FOCAD: variants seen among roughly 807,000 people sequenced by gnomAD.
FOCAD encodes KIAA1797.
In FOCAD, 198 loss-of-function variants were observed where a neutral mutation model predicts 225.6. The observed-to-expected ratio is 0.88, with a 90% confidence interval of 0.78 to 0.99. The LOEUF (loss-of-function observed/expected upper bound fraction) is 0.99. FOCAD is among the 50% of genes least tolerant of loss of function. The pLI, the probability that FOCAD is intolerant of heterozygous loss-of-function variation, is 0.00. For synonymous variants in FOCAD, 897 were observed against 755.0 expected (o/e 1.19, Z -3.08); for missense variants, 2,713 against 2,123.6 (o/e 1.28, Z -5.46).
intron 21 of FOCAD, among the ~76,000 whole-genome samples, chr9:20,889,634 G>C (rs1831440770): frequency 6.6e-6 from 1 of 152,106 alleles, no homozygotes; most frequent in Non-Finnish European, 1.5e-5. Context: ...ATACATAGCT[G>C]AATAACTTTC....
intron 5 of FOCAD, among the ~76,000 whole-genome samples, chr9:20,747,157 C>G (rs1340489566): frequency 6.6e-6 from 1 of 152,120 alleles, no homozygotes; most frequent in Non-Finnish European, 1.5e-5. Flanking sequence ...ACTGTGATGA[C>G]TACAAAATGG....
At chr9:20,844,905 C>T (rs575566900) in intron 15 of FOCAD, among the ~76,000 whole-genome samples, 1 of 152,158 alleles carries the variant, frequency 6.6e-6, no homozygotes, top group Admixed American at 6.5e-5. Flanking sequence ...GTGTCCTTCT[C>T]TTTTTATTTC....
intron 21 of FOCAD, among the ~76,000 whole-genome samples, chr9:20,905,485 A>G (rs1473755653): frequency 1.3e-5 from 2 of 151,990 alleles, no homozygotes; most frequent in Non-Finnish European, 2.9e-5. Context: ...GTACAATGAT[A>G]TCTATGGATT....
Position 20,948,858 on chromosome 9 carries a change from C to T in FOCAD, c.3806C>T (p.Pro1269Leu). Residue 1269 changes from proline (P) to leucine (L), a missense_variant, in exon 32 of 44, where the codon CCC (proline) becomes CTC (leucine). By Grantham distance (98) the Pro-to-Leu change is moderately conservative. Transcript: ENST00000338382. ...CTGATGCTTTGTTTTCAGGGCACTC[C>T]CACAATGCTTTGTCTGGCAGCTCTT... ...WIRIVLTEGT[P>L]TMLCLAALHG... 4 of 1,613,398 alleles carry T rather than the reference C, an allele frequency of 2.5e-6. No homozygotes were observed. Among genetic ancestry groups the T allele is most frequent in the Non-Finnish European group, 3.4e-6 (4 of 1,179,496 alleles).
At chr9:20,738,936 T>G (rs1233763338) in intron 4 of FOCAD, among the ~76,000 whole-genome samples, 1 of 152,212 alleles carries the variant, frequency 6.6e-6, no homozygotes, top group Non-Finnish European at 1.5e-5. Context: ...ATTCTTTTTT[T>G]TGTGTCCCAA....
chr9:20,681,038 A>G (rs1319872259), upstream of FOCAD, among the ~76,000 whole-genome samples: 1 of 152,156 alleles, frequency 6.6e-6, no homozygotes. Context: ...GCCCTGCCCA[A>G]CCACAGCCCC....
intron 8 of FOCAD, among the ~76,000 whole-genome samples, chr9:20,772,093 A>T (rs1198951579): frequency 2.0e-5 from 3 of 152,230 alleles, no homozygotes; most frequent in Non-Finnish European, 4.4e-5. Flanking sequence ...GGGAAAAGGG[A>T]GACATAGAAG....
intron 2 of FOCAD, among the ~76,000 whole-genome samples, chr9:20,675,345 A>G (rs1822201969): frequency 6.6e-6 from 1 of 152,214 alleles, no homozygotes; most frequent in African/African-American, 2.4e-5. Context: ...TCAAAACAAG[A>G]AAAGAAGAGA....
chr9:20,904,652 C>T (rs991077672), intron 21 of FOCAD, among the ~76,000 whole-genome samples: 1 of 151,978 alleles, frequency 6.6e-6, no homozygotes, highest in African/African-American at 2.4e-5. Flanking sequence ...TCTCAATGCT[C>T]CATCAGATAG....
intron 11 of FOCAD, among the ~76,000 whole-genome samples, chr9:20,799,585 C>A (rs1397324561): frequency 1.3e-5 from 2 of 152,076 alleles, no homozygotes; most frequent in African/African-American, 2.4e-5. Context: ...TGAATTGATC[C>A]CTTTACCATT....
At chr9:20,967,155 C>T (rs1839336152) in intron 35 of FOCAD, among the ~76,000 whole-genome samples, 1 of 152,014 alleles carries the variant, frequency 6.6e-6, no homozygotes, top group Admixed American at 6.6e-5. Context: ...AATCTGTGAA[C>T]ACAAGATGTC....
intron 15 of FOCAD, among the ~76,000 whole-genome samples, chr9:20,844,523 G>C (rs975307724): frequency 6.6e-6 from 1 of 151,622 alleles, no homozygotes; most frequent in Non-Finnish European, 1.5e-5. Flanking sequence ...ACCACACATG[G>C]CTAATTTTTG....
At chr9:20,871,085 TC>T (rs1273767357) in intron 18 of FOCAD, among the ~76,000 whole-genome samples, 1 of 151,852 alleles carries the variant, frequency 6.6e-6, no homozygotes, top group African/African-American at 2.4e-5. Flanking sequence ...GGGCCTGTAA[TC>T]CCAGCTACTC....
At chr9:20,721,164 G>T (rs1315740616) in intron 4 of FOCAD, among the ~76,000 whole-genome samples, 3 of 152,162 alleles carry the variant, frequency 2.0e-5, no homozygotes, top group Non-Finnish European at 2.9e-5. Context: ...AATACTCCCT[G>T]AAAAAGAGTT....
chr9:20,770,358 A>G (rs1033682378), intron 8 of FOCAD, 120 bp downstream of exon 8: 1 of 893,984 alleles, frequency 1.1e-6, no homozygotes, highest in Non-Finnish European at 1.7e-6. Context: ...TACAGGATGC[A>G]TGGTGCTGGC....
chr9:20,887,455 G>A (rs1462910046), intron 21 of FOCAD, among the ~76,000 whole-genome samples: 1 of 151,956 alleles, frequency 6.6e-6, no homozygotes, highest in Non-Finnish European at 1.5e-5. Flanking sequence ...GGCTGATCTC[G>A]AACTCCTGAC....
At chr9:20,732,425 C>T (rs1366111622) in intron 4 of FOCAD, among the ~76,000 whole-genome samples, 3 of 152,080 alleles carry the variant, frequency 2.0e-5, no homozygotes, top group African/African-American at 7.2e-5. Flanking sequence ...CAAGTTCCTG[C>T]TGTGGGAAGG....
chr9:20,857,572 A>C (rs1432987433), intron 15 of FOCAD, among the ~76,000 whole-genome samples: 3 of 151,678 alleles, frequency 2.0e-5, no homozygotes, highest in Non-Finnish European at 2.9e-5. Context: ...TCCTATTGGG[A>C]TGCCCTTTCT....
intron 11 of FOCAD, among the ~76,000 whole-genome samples, chr9:20,804,576 G>A (rs1179906304): frequency 6.6e-6 from 1 of 151,610 alleles, no homozygotes; most frequent in Non-Finnish European, 1.5e-5. Flanking sequence ...ACTTAATACA[G>A]TCCTTCTAAT....
Sources: allele counts gnomAD v4.1 joint callset (sites outside exome capture counted in the v4.1 genomes callset), GRCh38; gene constraint gnomAD v4.1.1; transcripts MANE v1.5; gene names NCBI Gene and HGNC (gene_info 2026-07-23, HGNC 2026-07-21).